The following MGA variants were observed in gnomAD, a reference collection of about 807,000 sequenced individuals.
The protein encoded by MGA is MAX gene-associated protein.
In MGA, 40 loss-of-function variants were observed where a neutral mutation model predicts 261.1. The ratio of observed to expected loss-of-function variants is 0.15; its 90% CI spans 0.12 to 0.20. The LOEUF (loss-of-function observed/expected upper bound fraction) is 0.20. Among genes scored for constraint, MGA ranks in the 10% least tolerant of loss-of-function variants. The pLI, the probability that MGA is intolerant of heterozygous loss-of-function variation, is 1.00. For synonymous variants in MGA, 1,302 were observed against 1,290.6 expected (o/e 1.01, Z -0.19); for missense variants, 3,397 against 3,630.5 (o/e 0.94, Z 1.65).
intron 7 of MGA, 151 bp from the exon 8 acceptor site, chr15:41,710,540 T>C: frequency 1.3e-6 from 1 of 773,180 alleles, no homozygotes; most frequent in Non-Finnish European, 2.0e-6. Flanking sequence ...GTACTGGGAT[T>C]ACAGGTGGGA....
chr15:41,628,516 G>A (rs955242708), intron 1 of MGA, among the ~76,000 whole-genome samples: 8 of 152,096 alleles, frequency 5.3e-5, no homozygotes, highest in Admixed American at 5.2e-4. Context: ...ATGATAAAGA[G>A]TAAGACACAC....
chr15:41,725,918 A>G (rs1490332123), intron 9 of MGA, among the ~76,000 whole-genome samples: 1 of 152,078 alleles, frequency 6.6e-6, no homozygotes, highest in Non-Finnish European at 1.5e-5. Flanking sequence ...CTTCTTTTTA[A>G]TTTAGTTAAG....
intron 2 of MGA, among the ~76,000 whole-genome samples, chr15:41,675,833 C>G (rs903342566): frequency 6.6e-6 from 1 of 152,052 alleles, no homozygotes; most frequent in Non-Finnish European, 1.5e-5. Flanking sequence ...TTTTACGTGA[C>G]CTTCAAACAT....
chr15:41,724,654 C>T (rs1393304756), intron 9 of MGA, among the ~76,000 whole-genome samples: 2 of 152,134 alleles, frequency 1.3e-5, no homozygotes, highest in African/African-American at 4.8e-5. Flanking sequence ...CAGTACACTC[C>T]AGCCTGGGTG....
intron 19 of MGA, chr15:41,760,042 G>A (rs866785808): frequency 1.8e-5 from 6 of 333,576 alleles, no homozygotes; most frequent in South Asian, 1.0e-4. Context: ...GATCTCGTAC[G>A]CCTGTAACAT....
At position 41,708,086 on chromosome 15, in the gene MGA, T is replaced by C. The variant is rs776587539; in HGVS notation, c.2321-18T>C. The C allele has an allele frequency of 6.5e-7, 1 of 1,546,250 alleles. No homozygotes were observed. Among genetic ancestry groups the C allele is most frequent in the South Asian group, 1.2e-5 (1 of 81,320 alleles). On this transcript the variant is annotated intron_variant, in intron 6 of 23. Coordinates refer to ENST00000219905, the MANE Select transcript of MGA (RefSeq NM_001164273.2). ...CCTGCTAGAATTTTGGTCATCTGTT[T>C]GACTTTTTCTTTTATAGATGCGGGA...
intron 15 of MGA, among the ~76,000 whole-genome samples, chr15:41,747,781 T>G (rs780205580): frequency 2.6e-5 from 4 of 152,202 alleles, no homozygotes; most frequent in African/African-American, 9.7e-5. Context: ...TGTTTTTCTT[T>G]AGGCAAAAGT....
At chr15:41,660,041 G>A (rs756498300), upstream of MGA, among the ~76,000 whole-genome samples, 8 of 152,264 alleles carry the variant, frequency 5.3e-5, no homozygotes, top group Non-Finnish European at 8.8e-5. Context: ...GCTGGGCGCG[G>A]CCGGGGCGGA....
intron 20 of MGA, among the ~76,000 whole-genome samples, chr15:41,760,963 G>A (rs1284745884): frequency 6.6e-6 from 1 of 152,180 alleles, no homozygotes; most frequent in Non-Finnish European, 1.5e-5. Context: ...TAGAGACGGG[G>A]TTTCTCTATG....
intron 11 of MGA, among the ~76,000 whole-genome samples, chr15:41,733,260 TC>T: frequency 6.6e-6 from 1 of 152,174 alleles, no homozygotes; most frequent in South Asian, 2.1e-4. Flanking sequence ...TCCAGCCTGT[TC>T]CTCTACTTTC....
intron 9 of MGA, among the ~76,000 whole-genome samples, chr15:41,722,758 T>G (rs2061020571): frequency 6.6e-6 from 1 of 152,204 alleles, no homozygotes; most frequent in Admixed American, 6.5e-5. Context: ...ATGGCAGTTC[T>G]TGTAGGTCTT....
At chr15:41,734,672 A>G in intron 12 of MGA, 78 bp downstream of exon 12, 2 of 1,102,414 alleles carry the variant, frequency 1.8e-6, no homozygotes, top group South Asian at 1.6e-5. Context: ...GAGAAAACCC[A>G]AACCATCAAT....
upstream of MGA, among the ~76,000 whole-genome samples, chr15:41,657,140 G>A (rs2057221460): frequency 6.6e-6 from 1 of 152,036 alleles, no homozygotes; most frequent in African/African-American, 2.4e-5. Flanking sequence ...CAGATATCTT[G>A]CCATTTTTAA....
intron 9 of MGA, among the ~76,000 whole-genome samples, chr15:41,716,433 G>A (rs1377874126): frequency 6.6e-6 from 1 of 151,888 alleles, no homozygotes; most frequent in African/African-American, 2.4e-5. Context: ...CAGCCTGGGC[G>A]ACAAAGCGAG....
intron 11 of MGA, among the ~76,000 whole-genome samples, chr15:41,734,165 C>T (rs7171123): frequency 0.59 from 88,875 of 151,564 alleles, 27,120 homozygotes; most frequent in Middle Eastern, 0.72. Context: ...ACCTCGGCCT[C>T]TCGGAATGCT....
chr15:41,736,576 G>A lies in MGA; in HGVS notation c.4312G>A (p.Asp1438Asn). 6.2e-7 allele frequency: 1 copy of A among 1,614,010 alleles called. No individual in the cohort carries two copies. The highest frequency in any genetic ancestry group is 2.2e-5 in the East Asian group (1 of 44,894). ...CTCTCCTGTGCAGACAGATGCCCTG[G>A]ATTCAGTGAGGGAGAGATTACATGG... Residue 1438 changes from aspartate (D) to asparagine (N), a missense_variant, in exon 13 of 24, where the codon GAT becomes AAT. This residue lies in a region of MGA where 1,410 missense variants were observed against 1,386.4 expected (regional missense o/e 1.02). Transcript: ENST00000219905.
chr15:41,661,715 G>A (rs1270463201), intron 1 of MGA, among the ~76,000 whole-genome samples: 1 of 152,220 alleles, frequency 6.6e-6, no homozygotes, highest in Non-Finnish European at 1.5e-5. Flanking sequence ...ATGCGGCTGA[G>A]TCCCTGGTTA....
At chr15:41,679,344 G>A (rs750251484) in intron 2 of MGA, among the ~76,000 whole-genome samples, 5 of 152,128 alleles carry the variant, frequency 3.3e-5, no homozygotes, top group East Asian at 1.9e-4. Context: ...GCGCTGGGCC[G>A]AGGTTTCATT....
intron 2 of MGA, 47 bp from the exon 3 acceptor site, chr15:41,696,028 T>A: frequency 7.7e-7 from 1 of 1,307,150 alleles, no homozygotes; most frequent in Non-Finnish European, 1.1e-6. Context: ...GTCTTGTTAA[T>A]GGATCATTTT....
Sources: allele counts gnomAD v4.1 joint callset (sites outside exome capture counted in the v4.1 genomes callset), GRCh38; gene constraint gnomAD v4.1.1; regional missense constraint gnomAD v4.1.1; transcripts MANE v1.5; gene names NCBI Gene and HGNC (gene_info 2026-07-23, HGNC 2026-07-21).